NKAIN2: variants seen among roughly 807,000 people sequenced by gnomAD.
The protein encoded by NKAIN2 is sodium/potassium transporting ATPase interacting 2, also known as sodium/potassium-transporting ATPase subunit beta-1-interacting protein 2.
In NKAIN2, 14 loss-of-function variants were observed where a neutral mutation model predicts 32.6. The observed-to-expected ratio is 0.43, with a 90% CI of 0.28 to 0.67. The LOEUF (loss-of-function observed/expected upper bound fraction) is 0.67, where lower values mean the gene tolerates loss of function less well. NKAIN2 is among the 30% of genes least tolerant of loss of function. NKAIN2 has a pLI of 0.17. For missense variants in NKAIN2, 198 were observed against 258.3 expected (o/e 0.77, Z 1.60); for synonymous variants, 80 against 87.2 (o/e 0.92, Z 0.46).
chr6:124,373,388 C>G (rs1035152246), intron 3 of NKAIN2, among the ~76,000 whole-genome samples: 5 of 152,054 alleles, frequency 3.3e-5, no homozygotes, highest in Admixed American at 2.6e-4. Context: ...TTGTCAACAT[C>G]AAGTCTTGGT....
At chr6:124,677,540 ACAT>A (rs1215944956) in intron 4 of NKAIN2, among the ~76,000 whole-genome samples, 1 of 152,156 alleles carries the variant, frequency 6.6e-6, no homozygotes, top group African/African-American at 2.4e-5. Context: ...TTTATTTAAA[ACAT>A]CATATAGGTA....
intron 3 of NKAIN2, among the ~76,000 whole-genome samples, chr6:124,403,622 GAATTTTGCTAGACACTAGTAA>G (rs1773722161): frequency 6.6e-6 from 1 of 152,190 alleles, no homozygotes; most frequent in Non-Finnish European, 1.5e-5. Context: ...TATGTGCTAA[GAATTTTGCTAGACACTAGTAA>G]AATTAGAGTG....
At chr6:124,544,437 G>T (rs1304237962) in intron 3 of NKAIN2, among the ~76,000 whole-genome samples, 3 of 150,114 alleles carry the variant, frequency 2.0e-5, no homozygotes, top group Non-Finnish European at 4.5e-5. Flanking sequence ...CCTTTAGCAG[G>T]TACAGCTGTA....
At chr6:124,343,278 C>T (rs1331766876) in intron 2 of NKAIN2, among the ~76,000 whole-genome samples, 1 of 151,844 alleles carries the variant, frequency 6.6e-6, no homozygotes, top group Non-Finnish European at 1.5e-5. Context: ...GTGAATAGTG[C>T]CGAAATAAAC....
intron 2 of NKAIN2, among the ~76,000 whole-genome samples, chr6:124,314,332 T>G (rs531943240): frequency 2.6e-5 from 4 of 152,142 alleles, no homozygotes; most frequent in Non-Finnish European, 4.4e-5. Context: ...TAGCACTTTG[T>G]GTTTGGTCCT....
At chr6:124,556,844 A>G (rs780093379) in intron 3 of NKAIN2, among the ~76,000 whole-genome samples, 7 of 152,216 alleles carry the variant, frequency 4.6e-5, no homozygotes, top group African/African-American at 1.7e-4. Flanking sequence ...TCCAACTTTC[A>G]GACTAAATCA....
intron 1 of NKAIN2, among the ~76,000 whole-genome samples, chr6:124,086,069 T>C (rs1266233190): frequency 6.6e-6 from 1 of 151,896 alleles, no homozygotes; most frequent in Non-Finnish European, 1.5e-5. Context: ...ACTAGTGTTA[T>C]ATTGATCAAA....
At chr6:124,742,052 A>G (rs1249021949) in intron 4 of NKAIN2, among the ~76,000 whole-genome samples, 2 of 151,778 alleles carry the variant, frequency 1.3e-5, no homozygotes, top group East Asian at 3.9e-4. Flanking sequence ...TATGTTTCTC[A>G]TATCCCAAGT....
chr6:123,937,514 C>T (rs143474266), intron 1 of NKAIN2, among the ~76,000 whole-genome samples: 106 of 152,148 alleles, frequency 7.0e-4, no homozygotes, highest in African/African-American at 2.4e-3. Flanking sequence ...TGAGAGTGTA[C>T]GACTGCGTGT....
chr6:124,130,704 A>G (rs1460159243), intron 1 of NKAIN2, among the ~76,000 whole-genome samples: 1 of 151,620 alleles, frequency 6.6e-6, no homozygotes, highest in Non-Finnish European at 1.5e-5. Context: ...TGTTTGAATT[A>G]GTTTTTGACG....
At position 124,549,576 on chromosome 6, in the gene NKAIN2, G is replaced by T. The variant is rs191140460; in HGVS notation, c.274-108610G>T. 1.8e-3 allele frequency among the ~76,000 whole-genome samples: 272 copies of T among 152,236 alleles called. 1 individual carries two copies. Among genetic ancestry groups the T allele is most frequent in the Admixed American group, 5.8e-3 (89 of 15,288 alleles). ...TTAAATAGAGCACAGAACTTATTCA[G>T]TGTTTTCACTACTGCATTTTTCCTT... On this transcript the variant is annotated intron_variant, in intron 3 of 6. Transcript: ENST00000368417.
intron 3 of NKAIN2, among the ~76,000 whole-genome samples, chr6:124,508,545 G>T (rs992233061): frequency 6.6e-6 from 1 of 151,714 alleles, no homozygotes; most frequent in Non-Finnish European, 1.5e-5. Context: ...GGGTTTCACC[G>T]TGTTAGCCAG....
chr6:123,880,585 A>G (rs926302987), intron 1 of NKAIN2, among the ~76,000 whole-genome samples: 11 of 152,226 alleles, frequency 7.2e-5, no homozygotes, highest in African/African-American at 2.7e-4. Flanking sequence ...CGTATTTGAA[A>G]ATAATAGTTT....
At chr6:124,353,754 C>CAAAAAA (rs35531198) in intron 2 of NKAIN2, among the ~76,000 whole-genome samples, 19 of 145,506 alleles carry the variant, frequency 1.3e-4, no homozygotes, top group African/African-American at 4.6e-4. Flanking sequence ...GACTCCGTCT[C>CAAAAAA]AAAAAAAAAA....
At chr6:123,877,131 C>T (rs1280243388) in intron 1 of NKAIN2, among the ~76,000 whole-genome samples, 1 of 152,066 alleles carries the variant, frequency 6.6e-6, no homozygotes, top group Non-Finnish European at 1.5e-5. Context: ...TATTAGAAAT[C>T]TATCTTTTGT....
At chr6:124,358,593 T>C (rs1031302529) in intron 3 of NKAIN2, among the ~76,000 whole-genome samples, 2 of 152,170 alleles carry the variant, frequency 1.3e-5, no homozygotes, top group African/African-American at 2.4e-5. Context: ...AGTGTCTGTT[T>C]ATATCCTTCA....
At chr6:124,686,470 G>A (rs983750775) in intron 4 of NKAIN2, among the ~76,000 whole-genome samples, 18 of 152,004 alleles carry the variant, frequency 1.2e-4, no homozygotes, top group African/African-American at 4.1e-4. Context: ...GGGGAGGGGT[G>A]CTACACACCT....
At chr6:124,212,099 C>G (rs1452540019) in intron 1 of NKAIN2, among the ~76,000 whole-genome samples, 1 of 151,976 alleles carries the variant, frequency 6.6e-6, no homozygotes, top group Non-Finnish European at 1.5e-5. Flanking sequence ...GAATACATTG[C>G]TTTTAAGAAG....
intron 1 of NKAIN2, among the ~76,000 whole-genome samples, chr6:123,928,536 A>G (rs886252948): frequency 6.6e-6 from 1 of 152,196 alleles, no homozygotes; most frequent in Non-Finnish European, 1.5e-5. Context: ...TTGGACAAAA[A>G]GTCCTCCAGA....
Sources: allele counts gnomAD v4.1 joint callset (sites outside exome capture counted in the v4.1 genomes callset), GRCh38; gene constraint gnomAD v4.1.1; transcripts MANE v1.5; gene names NCBI Gene and HGNC (gene_info 2026-07-23, HGNC 2026-07-21).